Variants in YTHDC2 observed in about 807,000 individuals in gnomAD.
YTHDC2 encodes 3'-5' RNA helicase YTHDC2.
In YTHDC2, 45 loss-of-function variants were observed where a neutral mutation model predicts 174.9. The observed-to-expected ratio is 0.26, with a 90% CI of 0.20 to 0.33. YTHDC2 has a LOEUF of 0.33. Among genes scored for constraint, YTHDC2 ranks in the 10% least tolerant of loss-of-function variants. YTHDC2 has a pLI of 1.00. For synonymous variants in YTHDC2, 657 were observed against 574.5 expected, an observed-to-expected ratio of 1.14 and a Z score of -2.05; for missense variants, 1,650 against 1,723.7, an observed-to-expected ratio of 0.96 and a Z score of 0.76.
chr5:113,589,405 A>AT (rs1561713829), intron 26 of YTHDC2, among the ~76,000 whole-genome samples: 48 of 120,412 alleles, frequency 4.0e-4, no homozygotes, highest in Middle Eastern at 4.1e-3. Context: ...TAAAAAAAAA[A>AT]AAAATATATA....
chr5:113,547,000 G>A (rs959732210), intron 10 of YTHDC2, among the ~76,000 whole-genome samples: 4 of 152,182 alleles, frequency 2.6e-5, no homozygotes, highest in African/African-American at 9.7e-5. Flanking sequence ...GGAAGTTGTA[G>A]TTACTTTTTA....
chr5:113,530,784 C>T (rs1774604486), intron 4 of YTHDC2, among the ~76,000 whole-genome samples: 1 of 151,520 alleles, frequency 6.6e-6, no homozygotes, highest in Admixed American at 6.6e-5. Context: ...TTCTTTCTTT[C>T]ATTATGAAGA....
chr5:113,584,272 C>G (rs375930571), intron 25 of YTHDC2, 30 bp from the exon 26 acceptor site: 472 of 1,584,902 alleles, frequency 3.0e-4, no homozygotes, highest in Non-Finnish European at 3.8e-4. Context: ...TTATATATAA[C>G]TGATCTTTGC....
Position 113,579,573 on chromosome 5 carries a change from T to C in YTHDC2, c.3245-13T>C. ...GGTAAAAGTGATTTTTTTTTCATTA[T>C]GTACTTGGACAGTGGATGGCATTCC... On this transcript the variant is annotated splice_polypyrimidine_tract_variant and intron_variant, in intron 23 of 29. Coordinates refer to ENST00000161863, the MANE Select transcript of YTHDC2 (RefSeq NM_022828.5). 1 of 1,551,872 alleles carries C rather than the reference T, an allele frequency of 6.4e-7. No homozygotes were observed. The highest frequency in any genetic ancestry group is 8.7e-7 in the Non-Finnish European group (1 of 1,149,722).
At chr5:113,522,959 C>T (rs1250742755) in intron 2 of YTHDC2, among the ~76,000 whole-genome samples, 3 of 152,046 alleles carry the variant, frequency 2.0e-5, no homozygotes, top group Non-Finnish European at 1.5e-5. Flanking sequence ...TAAGTAGTCC[C>T]ACCTGCTTAT....
intron 12 of YTHDC2, among the ~76,000 whole-genome samples, chr5:113,549,854 G>T (rs576179250): frequency 6.6e-6 from 1 of 151,932 alleles, no homozygotes; most frequent in African/African-American, 2.4e-5. Context: ...TTGTCTGCTT[G>T]TTCAAGAACA....
chr5:113,516,380 A>G (rs1773427039), intron 2 of YTHDC2, among the ~76,000 whole-genome samples: 1 of 152,230 alleles, frequency 6.6e-6, no homozygotes, highest in Non-Finnish European at 1.5e-5. Context: ...ACAGAGTTAC[A>G]TTGAGGGAAA....
intron 24 of YTHDC2, 61 bp from the exon 25 acceptor site, chr5:113,581,356 A>C: frequency 7.2e-7 from 1 of 1,389,518 alleles, no homozygotes; most frequent in South Asian, 2.0e-5. Context: ...GAAACTAATC[A>C]ACACATAGGT....
intron 7 of YTHDC2, among the ~76,000 whole-genome samples, chr5:113,536,701 T>A (rs1370918420): frequency 6.6e-6 from 1 of 152,188 alleles, no homozygotes; most frequent in African/African-American, 2.4e-5. Context: ...AGAACACAAA[T>A]GTATGCAAAT....
chr5:113,548,587 T>C lies in YTHDC2; in HGVS notation c.1542T>C (p.Ala514=). The part of the protein sequence containing the change: ...SETSATALMV[A]AGRGFASQVE... ...CCAGTGCAACAGCTCTGATGGTTGC[T>C]GCAGGACGTGGCTTTGCAAGTCAAG... The change falls in exon 11 of 30, where the codon GCT becomes GCC. Residue 514 remains alanine (A), a synonymous_variant. Coordinates refer to ENST00000161863, the MANE Select transcript of YTHDC2 (RefSeq NM_022828.5). 1.2e-6 allele frequency: 2 copies of C among 1,613,444 alleles called. No individual in the cohort carries two copies. The highest frequency in any genetic ancestry group is 1.7e-6 in the Non-Finnish European group (2 of 1,179,640).
chr5:113,563,327 G>A (rs778606142), intron 18 of YTHDC2, 46 bp from the exon 19 acceptor site: 59 of 1,499,804 alleles, frequency 3.9e-5, no homozygotes, highest in Non-Finnish European at 5.1e-5. Context: ...GTGTAGGTTA[G>A]TATTCTTTTT....
intron 12 of YTHDC2, among the ~76,000 whole-genome samples, chr5:113,552,856 A>T (rs1239750549): frequency 1.3e-5 from 2 of 151,980 alleles, no homozygotes; most frequent in Non-Finnish European, 2.9e-5. Flanking sequence ...TAGTCATCCT[A>T]GTTGGTGTGA....
intron 24 of YTHDC2, 137 bp downstream of exon 24, chr5:113,579,832 G>A: frequency 6.2e-6 from 8 of 1,292,690 alleles, no homozygotes; most frequent in Non-Finnish European, 7.8e-6. Context: ...GTTTTCTTGG[G>A]GACCTCATTC....
At chr5:113,573,987 C>A (rs976495753) in intron 23 of YTHDC2, among the ~76,000 whole-genome samples, 1 of 152,152 alleles carries the variant, frequency 6.6e-6, no homozygotes, top group African/African-American at 2.4e-5. Flanking sequence ...AGCCTCAGCC[C>A]AGTTCTGTGC....
intron 2 of YTHDC2, among the ~76,000 whole-genome samples, chr5:113,523,728 G>C (rs1387553949): frequency 6.6e-6 from 1 of 152,040 alleles, no homozygotes. Flanking sequence ...GCCTCACTTA[G>C]AAAACTTATA....
At chr5:113,585,722 A>C in intron 26 of YTHDC2, among the ~76,000 whole-genome samples, 1 of 151,300 alleles carries the variant, frequency 6.6e-6, no homozygotes, top group Non-Finnish European at 1.5e-5. Flanking sequence ...ACTTAATAGA[A>C]TCCTTTTGAA....
chr5:113,541,792 T>TAA (rs1251608923), intron 9 of YTHDC2, among the ~76,000 whole-genome samples: 1 of 152,118 alleles, frequency 6.6e-6, no homozygotes, highest in East Asian at 1.9e-4. Flanking sequence ...ACTATATATA[T>TAA]AATGATATAT....
At chr5:113,530,112 A>C (rs13161969) in intron 4 of YTHDC2, among the ~76,000 whole-genome samples, 17,443 of 152,132 alleles carry the variant, frequency 0.11, 1,127 homozygotes, top group African/African-American at 0.14. Flanking sequence ...CTTCCTATAA[A>C]TATTTTATTC....
intron 9 of YTHDC2, among the ~76,000 whole-genome samples, 180 bp downstream of exon 9, chr5:113,541,296 A>G (rs767545462): frequency 6.7e-6 from 1 of 150,298 alleles, no homozygotes; most frequent in Non-Finnish European, 1.5e-5. Flanking sequence ...GGTTCACGCC[A>G]TTCTCCTGCC....
Sources: allele counts gnomAD v4.1 joint callset (sites outside exome capture counted in the v4.1 genomes callset), GRCh38; gene constraint gnomAD v4.1.1; transcripts MANE v1.5; gene names NCBI Gene and HGNC (gene_info 2026-07-23, HGNC 2026-07-21).